ASPSCR1: variants seen among roughly 807,000 people sequenced by gnomAD.
ASPSCR1 encodes the protein ASPSCR1 tether for SLC2A4, UBX domain containing, also known as tether containing UBX domain for GLUT4.
In ASPSCR1, 55 loss-of-function variants were observed where a neutral mutation model predicts 68.9. That is an observed-to-expected ratio of 0.80 (90% CI 0.64 to 1.00). The LOEUF (loss-of-function observed/expected upper bound fraction) is 1.00. Ranked by LOEUF, ASPSCR1 falls within the 50% of genes least tolerant of loss-of-function variation. ASPSCR1 has a pLI of 0.00. For synonymous variants in ASPSCR1, 352 were observed against 332.6 expected (o/e 1.06, Z -0.63); for missense variants, 765 against 762.2 (o/e 1.00, Z -0.04).
intron 2 of ASPSCR1, 129 bp downstream of exon 2, chr17:81,979,368 A>C: frequency 9.8e-7 from 1 of 1,025,210 alleles, no homozygotes; most frequent in East Asian, 2.4e-5. Flanking sequence ...CCAACTCTGG[A>C]GACCCAAGGC....
chr17:82,012,194 C>T lies in ASPSCR1; in HGVS notation c.1301-37C>T, dbSNP rs556993207. The T allele has an allele frequency of 1.7e-5, 27 of 1,603,530 alleles. No homozygotes were observed. The African/African-American group carries it at 1.7e-4, about 10-fold the overall frequency. ...CGGGCGCATGGATGGGCGAGGTCCACGGTGCTTCCTAACACGTAGGTGCCT... is the reference window on the plus strand; with the variant it reads ...CGGGCGCATGGATGGGCGAGGTCCATGGTGCTTCCTAACACGTAGGTGCCT... On this transcript the variant is annotated intron_variant, in intron 11 of 15. Coordinates refer to ENST00000306739, the MANE Select transcript of ASPSCR1 (RefSeq NM_024083.4).
rs142400444 is a variant in ASPSCR1, at chr17:81,980,669, C to G, written c.158+1430C>G. On this transcript the variant is annotated intron_variant, in intron 2 of 15. Transcript: ENST00000306739. ...AGCCAGAAGCTGGAAACAGACACTT[C>G]AAGAGAGGGAAGAATAAGACAGGGA... 3.2e-3 allele frequency among the ~76,000 whole-genome samples: 491 copies of G among 152,284 alleles called. 6 individuals carry two copies. Among genetic ancestry groups the G allele is most frequent in the African/African-American group, 0.011 (457 of 41,552 alleles).
At chr17:81,998,539 A>G (rs868468227) in intron 7 of ASPSCR1, among the ~76,000 whole-genome samples, 1 of 152,234 alleles carries the variant, frequency 6.6e-6, no homozygotes, top group Non-Finnish European at 1.5e-5. Flanking sequence ...GATGTGTGCT[A>G]TAAAAAGCCT....
At chr17:81,994,110 G>C (rs1045110266) in intron 4 of ASPSCR1, among the ~76,000 whole-genome samples, 1 of 152,258 alleles carries the variant, frequency 6.6e-6, no homozygotes, top group Admixed American at 6.5e-5. Flanking sequence ...TGGATGTGAC[G>C]GCATGTGCCC....
intron 12 of ASPSCR1, chr17:82,013,033 C>T (rs900327639): frequency 6.6e-6 from 1 of 152,186 alleles, no homozygotes; most frequent in South Asian, 2.1e-4. Context: ...CAGGCCTCTA[C>T]AGAGGCCTGG....
intron 7 of ASPSCR1, chr17:82,006,444 A>C (rs1000861504): frequency 3.3e-5 from 5 of 152,212 alleles, no homozygotes; most frequent in African/African-American, 1.2e-4. Context: ...TCACATCTGC[A>C]TGAGGGGTGT....
At chr17:82,016,127 C>T (rs2043117095) in intron 12 of ASPSCR1, 2 of 298,890 alleles carry the variant, frequency 6.7e-6, no homozygotes, top group Non-Finnish European at 1.3e-5. Flanking sequence ...GTGGTCCCGG[C>T]GCATCCGCCA....
intron 2 of ASPSCR1, among the ~76,000 whole-genome samples, chr17:81,980,107 C>T (rs373963664): frequency 9.9e-5 from 15 of 152,162 alleles, no homozygotes; most frequent in Admixed American, 9.2e-4. Context: ...CTCAGCCTCC[C>T]GAGTAGCTGA....
chr17:81,996,078 C>T lies in ASPSCR1; in HGVS notation c.506+13C>T. On this transcript the variant is annotated intron_variant, in intron 6 of 15. Coordinates refer to ENST00000306739, the MANE Select transcript of ASPSCR1 (RefSeq NM_024083.4). ...GCGCCACCATCAGGTAAGGGCAGTG[C>T]TGCTGGGGCCGAGGAGTCTATTTAG... 6.3e-7 allele frequency: 1 copy of T among 1,594,960 alleles called. No homozygotes were observed. Among genetic ancestry groups the T allele is most frequent in the South Asian group, 1.1e-5 (1 of 88,718 alleles).
At chr17:82,006,947 G>A (rs1269396450) in intron 7 of ASPSCR1, 3 of 152,318 alleles carry the variant, frequency 2.0e-5, no homozygotes, top group Non-Finnish European at 4.4e-5. Context: ...TCTTCTCTGT[G>A]GGACAGAAAG....
At chr17:81,992,970 G>A (rs984854894) in intron 4 of ASPSCR1, among the ~76,000 whole-genome samples, 2 of 152,226 alleles carry the variant, frequency 1.3e-5, no homozygotes, top group African/African-American at 4.8e-5. Flanking sequence ...CGACCCTGTG[G>A]GGCCTCTGCA....
Position 81,983,713 on chromosome 17 carries a change from C to A in ASPSCR1, c.273+45C>A. 1.3e-6 allele frequency: 2 copies of A among 1,495,586 alleles called. No individual in the cohort carries two copies. The highest frequency in any genetic ancestry group is 1.4e-5 in the African/African-American group (1 of 71,980). 92.6% of individuals were successfully genotyped at this position (1,495,586 alleles called of 1,614,324 possible). A position where few individuals can be genotyped will look rare whatever the true frequency, so the allele number is the denominator to read the frequency against. ...AGGCTGACTGTGTGGGGCACAGGAT[C>A]GTTCAGCTGGCCAGGGACGGGGGAC... On this transcript the variant is annotated intron_variant, in intron 3 of 15. Transcript: ENST00000306739. This position sits in a 1 kb window ranked among gnomAD's most constrained non-coding sequence, Gnocchi z 4.4.
At chr17:82,017,161 G>C (rs371915284) in intron 15 of ASPSCR1, 48 bp downstream of exon 15, 1 of 1,564,182 alleles carries the variant, frequency 6.4e-7, no homozygotes, top group Non-Finnish European at 8.6e-7. Flanking sequence ...GGTGGAGGGC[G>C]GGGGTCCGGG....
At chr17:81,980,283 GA>G (rs2041755478) in intron 2 of ASPSCR1, among the ~76,000 whole-genome samples, 1 of 152,236 alleles carries the variant, frequency 6.6e-6, no homozygotes, top group Admixed American at 6.5e-5. Context: ...GCCTGCCCTT[GA>G]AGACCTGTTT....
Position 81,979,169 on chromosome 17 carries a change from T to G in ASPSCR1, c.103-15T>G. The G allele has an allele frequency of 6.2e-7, 1 of 1,613,912 alleles. No homozygotes were observed. The highest frequency in any genetic ancestry group is 8.5e-7 in the Non-Finnish European group (1 of 1,179,886). The stretch of plus-strand genomic sequence containing the variant: ...GCACACTCAGCAGTTCACCATCCTT[T>G]CATCTCACCCCCAGGTTCTGGAGGA... On this transcript the variant is annotated splice_polypyrimidine_tract_variant and intron_variant, in intron 1 of 15. Transcript: ENST00000306739.
chr17:82,001,855 T>C (rs1598416293), intron 7 of ASPSCR1, among the ~76,000 whole-genome samples: 1 of 152,202 alleles, frequency 6.6e-6, no homozygotes, highest in Admixed American at 6.5e-5. Context: ...TTTTCCTGCC[T>C]GTCCGGGGGT....
At chr17:81,981,280 G>T (rs1192100945) in intron 2 of ASPSCR1, among the ~76,000 whole-genome samples, 2 of 152,198 alleles carry the variant, frequency 1.3e-5, no homozygotes, top group Non-Finnish European at 2.9e-5. Flanking sequence ...CCCAGCCATG[G>T]CCAGGAACTC....
chr17:82,009,263 C>T (rs977682725), intron 8 of ASPSCR1, 72 bp downstream of exon 8: 10 of 1,496,906 alleles, frequency 6.7e-6, no homozygotes, highest in Non-Finnish European at 9.0e-6. Flanking sequence ...GTGCTGCCCG[C>T]TGTCCCCAGT....
chr17:81,986,885 C>A lies in ASPSCR1; in HGVS notation c.374+1278C>A, dbSNP rs567780371. ...GAGCGCTGAGGTCTGCACGTCGGGTCTCAGTGGTCATGGGGATGGAAGCCA... is the reference window on the plus strand; with the variant it reads ...GAGCGCTGAGGTCTGCACGTCGGGTATCAGTGGTCATGGGGATGGAAGCCA... On this transcript the variant is annotated intron_variant, in intron 4 of 15. Transcript: ENST00000306739. The surrounding 1 kb of genome is among the most constrained non-coding windows in gnomAD (Gnocchi z 5.2). Among the ~76,000 whole-genome samples, 2 of 152,270 alleles carry A rather than the reference C, an allele frequency of 1.3e-5. No homozygotes were observed. The highest frequency in any genetic ancestry group is 4.8e-5 in the African/African-American group (2 of 41,558).
Sources: gnomAD v4.1 joint callset for allele counts (sites outside exome capture counted in the v4.1 genomes callset) on GRCh38, gnomAD v4.1.1 for gene constraint, Gnocchi (gnomAD v3.1) non-coding constraint, MANE v1.5 for transcripts, NCBI Gene and HGNC (gene_info 2026-07-23, HGNC 2026-07-21) for gene names.